Variants in ZNF827 observed in about 807,000 individuals in gnomAD.
ZNF827 encodes the protein zinc finger protein 827.
In ZNF827, 13 loss-of-function variants were observed where a neutral mutation model predicts 102.4. That is an observed-to-expected ratio of 0.13 (90% CI 0.08 to 0.20). The LOEUF (loss-of-function observed/expected upper bound fraction) is 0.20, where lower values mean the gene tolerates loss of function less well. Ranked by LOEUF, ZNF827 falls within the 10% of genes least tolerant of loss-of-function variation. The pLI is 1.00. For synonymous variants in ZNF827, 523 were observed against 536.2 expected (o/e 0.98, Z 0.34); for missense variants, 1,103 against 1,344.4 (o/e 0.82, Z 2.81).
intron 1 of ZNF827, among the ~76,000 whole-genome samples, chr4:145,921,825 A>T (rs543045440): frequency 1.2e-4 from 18 of 152,344 alleles, no homozygotes; most frequent in African/African-American, 4.3e-4. Flanking sequence ...AAGATAAATC[A>T]TGCTGGACCA....
intron 1 of ZNF827, among the ~76,000 whole-genome samples, chr4:145,937,735 C>T (rs1164643959): frequency 6.8e-6 from 1 of 146,864 alleles, no homozygotes; most frequent in African/African-American, 2.5e-5. Context: ...CCGCCTCCTC[C>T]TGCTCCAGCC....
intron 1 of ZNF827, among the ~76,000 whole-genome samples, chr4:145,928,878 G>A (rs1038389330): frequency 6.6e-5 from 10 of 152,170 alleles, no homozygotes; most frequent in African/African-American, 1.7e-4. Flanking sequence ...CATGGTGGCC[G>A]AGTGGCAGGA....
Position 145,903,208 on chromosome 4 carries a change from A to T in ZNF827, c.51T>A (p.Ser17Arg). The T allele has an allele frequency of 6.2e-7, 1 of 1,607,590 alleles. No homozygotes were observed. Among genetic ancestry groups the T allele is most frequent in the African/African-American group, 1.3e-5 (1 of 74,928 alleles). The change falls in exon 2 of 15, where the codon AGT becomes AGA. Residue 17 changes from serine to arginine, a missense_variant. This residue lies in a region of ZNF827 where 441 missense variants were observed against 458.6 expected (regional missense o/e 0.96). Transcript: ENST00000508784. ...EQPKRLPSHV[S>R]RQEEAEGELS... is the part of the protein sequence containing the mutation. The stretch of plus-strand genomic sequence containing the variant: ...GCTCTCCCTCCGCCTCTTCCTGCCT[A>T]CTAACATCTGGGGAGAATTAAGAAG...
In ZNF827 at chr4:145,878,390, A is replaced by G. The variant is rs985487404; in HGVS notation, c.1747+7288T>C. ...AGACTGTTAACAGTTTTCTTAAGAG[A>G]AGTGGAGAGATAGTTACTGAGCAGA... On this transcript the variant is annotated intron_variant, in intron 4 of 14. Coordinates refer to ENST00000508784, the MANE Select transcript of ZNF827 (RefSeq NM_001306215.2). 2.0e-5 allele frequency among the ~76,000 whole-genome samples: 3 copies of G among 152,170 alleles called. No individual in the cohort carries two copies. In the East Asian group the frequency reaches 5.8e-4, roughly 29 times the overall value.
At chr4:145,932,833 C>T (rs987873843) in intron 1 of ZNF827, among the ~76,000 whole-genome samples, 4 of 152,222 alleles carry the variant, frequency 2.6e-5, no homozygotes, top group Non-Finnish European at 4.4e-5. Context: ...CACCAACACA[C>T]TTTCCCTTAG....
At chr4:145,771,273 C>A (rs537498805) in intron 11 of ZNF827, among the ~76,000 whole-genome samples, 42 of 152,114 alleles carry the variant, frequency 2.8e-4, no homozygotes, top group African/African-American at 1.0e-3. Context: ...TCAGATCTCT[C>A]GATTGTTTTC....
intron 8 of ZNF827, among the ~76,000 whole-genome samples, chr4:145,781,228 G>GAAAAAA (rs60872964): frequency 1.0e-5 from 1 of 99,694 alleles, no homozygotes. Flanking sequence ...GAAAAAAAAA[G>GAAAAAA]AAAAAAAAAA....
At position 145,902,659 on chromosome 4, in the gene ZNF827, T is replaced by A; in HGVS notation, c.600A>T (p.Ser200=). Residue 200 remains serine (S), a synonymous_variant, in exon 2 of 15, where the codon TCA becomes TCT. Transcript: ENST00000508784. This position sits in a 1 kb window ranked among gnomAD's most constrained non-coding sequence, Gnocchi z 4.3. Reference sequence around the variant, plus strand: ...CCGGAGACAAGCTGCAGGTGGTGGTTGAGTTTGGCAACCACTTACCTTGAT... The same window carrying A: ...CCGGAGACAAGCTGCAGGTGGTGGTAGAGTTTGGCAACCACTTACCTTGAT... ...IWNQGKWLPN[S]TTTCSLSPDS... 1 of 1,614,036 alleles carries A rather than the reference T, an allele frequency of 6.2e-7. No homozygotes were observed. The highest frequency in any genetic ancestry group is 8.5e-7 in the Non-Finnish European group (1 of 1,180,028).
intron 1 of ZNF827, among the ~76,000 whole-genome samples, chr4:145,910,303 T>C (rs1242154006): frequency 6.6e-6 from 1 of 152,154 alleles, no homozygotes; most frequent in East Asian, 1.9e-4. Context: ...AGTTTCAGTA[T>C]TCTTCATATA....
rs1321040603 is a variant in ZNF827 at position 145,880,974 on chromosome 4, G to C, written c.1747+4704C>G. On this transcript the variant is annotated intron_variant, in intron 4 of 14. Coordinates refer to ENST00000508784, the MANE Select transcript of ZNF827 (RefSeq NM_001306215.2). Reference sequence around the variant, plus strand: ...GGCAATCAGAGCCACTGGGCAATGAGGATGACTTAGTTCAATGGGCATCTC... The same window carrying C: ...GGCAATCAGAGCCACTGGGCAATGACGATGACTTAGTTCAATGGGCATCTC... Among the ~76,000 whole-genome samples the C allele has an allele frequency of 1.3e-5, 2 of 152,226 alleles. 1 individual carries two copies. The highest frequency in any genetic ancestry group is 2.9e-5 in the Non-Finnish European group (2 of 68,032).
chr4:145,882,957 G>A (rs1447369594), intron 4 of ZNF827, among the ~76,000 whole-genome samples: 1 of 152,028 alleles, frequency 6.6e-6, no homozygotes, highest in African/African-American at 2.4e-5. Context: ...CTGGGATTTG[G>A]CCTTTTTGTC....
chr4:145,903,446 AAAGGGAAAAG>A (rs1751589295), intron 1 of ZNF827, among the ~76,000 whole-genome samples: 1 of 152,362 alleles, frequency 6.6e-6, no homozygotes, highest in East Asian at 1.9e-4. Context: ...AGATAAGTTG[AAAGGGAAAAG>A]AAGGAAAAAG....
At chr4:145,869,585 G>C (rs1312667327) in intron 5 of ZNF827, among the ~76,000 whole-genome samples, 1 of 152,022 alleles carries the variant, frequency 6.6e-6, no homozygotes, top group Non-Finnish European at 1.5e-5. Context: ...GTTTCAGAGA[G>C]GACAGGGCAG....
chr4:145,845,219 G>T (rs949756022), intron 7 of ZNF827, among the ~76,000 whole-genome samples: 2 of 152,142 alleles, frequency 1.3e-5, no homozygotes, highest in Non-Finnish European at 2.9e-5. Context: ...GTTTTCATCT[G>T]CTGGCTCTCA....
At position 145,760,853 on chromosome 4, in the gene ZNF827, G is replaced by A; in HGVS notation, c.*763C>T. 8.2e-7 allele frequency: 1 copy of A among 1,212,548 alleles called. No individual in the cohort carries two copies. Among genetic ancestry groups the A allele is most frequent in the Admixed American group, 3.2e-5 (1 of 31,292 alleles). The allele number at this position is 1,212,548 out of a possible 1,614,324, so 75.1% of individuals were successfully genotyped here. On this transcript the variant is annotated 3_prime_UTR_variant, in exon 15 of 15. Coordinates refer to ENST00000508784, the MANE Select transcript of ZNF827 (RefSeq NM_001306215.2). ...TGTTTGGGTGAGGGGATGCTGGGAG[G>A]CGCAGTCTGAGGTCGGGGAGGGTGG... is the stretch of plus-strand genomic sequence containing the variant.
intron 4 of ZNF827, 79 bp downstream of exon 4, chr4:145,885,599 G>C: frequency 2.1e-6 from 3 of 1,457,288 alleles, no homozygotes; most frequent in Non-Finnish European, 2.7e-6. Flanking sequence ...AAGAATACTG[G>C]TAGACAGAGA....
At chr4:145,905,944 G>A (rs1334270505) in intron 1 of ZNF827, among the ~76,000 whole-genome samples, 2 of 152,132 alleles carry the variant, frequency 1.3e-5, no homozygotes, top group Non-Finnish European at 2.9e-5. Flanking sequence ...CATACCAGAG[G>A]AGCTCAAGAT....
At chr4:145,825,097 C>CA in intron 7 of ZNF827, among the ~76,000 whole-genome samples, 1 of 152,340 alleles carries the variant, frequency 6.6e-6, no homozygotes, top group East Asian at 1.9e-4. Flanking sequence ...CCAAACATCT[C>CA]ATAACCTGCA....
At chr4:145,938,234 C>A (rs1018829298) in intron 1 of ZNF827, 131 bp downstream of exon 1, 8 of 1,085,362 alleles carry the variant, frequency 7.4e-6, no homozygotes, top group Middle Eastern at 2.1e-4. Flanking sequence ...GTAACCCGGG[C>A]TGTGTCTTTG....
Sources: gnomAD v4.1 joint callset for allele counts (sites outside exome capture counted in the v4.1 genomes callset) on GRCh38, gnomAD v4.1.1 for gene constraint, gnomAD v4.1.1 regional missense constraint, Gnocchi (gnomAD v3.1) non-coding constraint, MANE v1.5 for transcripts, NCBI Gene and HGNC (gene_info 2026-07-23, HGNC 2026-07-21) for gene names.